The following TSSK6 variants were observed in gnomAD, a reference collection of about 807,000 sequenced individuals.
TSSK6 encodes the protein testis-specific serine/threonine-protein kinase 6.
TSSK6 carries 9 observed loss-of-function variants against 8.5 expected under a neutral mutation model. The observed-to-expected ratio is 1.06, with a 90% CI of 0.64 to 1.85. TSSK6 has a LOEUF of 1.85. Ranked by LOEUF, TSSK6 falls within the 40% of genes most tolerant of loss-of-function variation. The probability of loss-of-function intolerance (pLI) is 0.00; values close to 1 mark genes in which losing one functional copy is unlikely to be tolerated. For missense variants in TSSK6, 311 were observed against 391.5 expected (o/e 0.79, Z 1.73); for synonymous variants, 202 against 182.4 (o/e 1.11, Z -0.86).
Position 19,514,358 on chromosome 19 carries a change from G to C in TSSK6, c.*248C>G, listed in dbSNP as rs1285485290. On this transcript the variant is annotated 3_prime_UTR_variant, in exon 1 of 1. Transcript: ENST00000585580. ...CCGTCCCCTCTGGTCTCGCCCTCTC[G>C]GGGCCTGGTCGCAGGGAATCGCGGA... 1.8e-6 allele frequency: 1 copy of C among 554,940 alleles called. No individual in the cohort carries two copies. The highest frequency in any genetic ancestry group is 2.4e-5 in the South Asian group (1 of 40,890). 34.4% of individuals were successfully genotyped at this position (554,940 alleles called of 1,614,324 possible). A position where few individuals can be genotyped will look rare whatever the true frequency, so the allele number is the denominator to read the frequency against.
Position 19,515,317 on chromosome 19 carries a change from G to C in TSSK6, c.111C>G (p.Thr37=). ...GCCGGTCCACCACCTTGATGGCCAC[G>C]GTACCCTTGTACTTCTTGGATGTGG... ...KVATSKKYKG[T]VAIKVVDRRR... The change falls in exon 1 of 1, where the codon ACC becomes ACG. Residue 37 remains threonine (T), a synonymous_variant. Coordinates refer to ENST00000585580, the MANE Select transcript of TSSK6 (RefSeq NM_032037.4). The C allele has an allele frequency of 6.2e-7, 1 of 1,614,148 alleles. No homozygotes were observed. Among genetic ancestry groups the C allele is most frequent in the South Asian group, 1.1e-5 (1 of 91,088 alleles).
At position 19,514,411 on chromosome 19, in the gene TSSK6, C is replaced by T; in HGVS notation, c.*195G>A. 3.3e-6 allele frequency: 2 copies of T among 612,376 alleles called. No individual in the cohort carries two copies. Among genetic ancestry groups the T allele is most frequent in the Non-Finnish European group, 2.8e-6 (1 of 358,546 alleles). 37.9% of individuals were successfully genotyped at this position (612,376 alleles called of 1,614,324 possible). A position where few individuals can be genotyped will look rare whatever the true frequency, so the allele number is the denominator to read the frequency against. Reference sequence around the variant, plus strand: ...CGCATGCGCCTCCAGCTCCCGGGATCGCGGGGAACGTGGATTCCGAACAAG... The same window carrying T: ...CGCATGCGCCTCCAGCTCCCGGGATTGCGGGGAACGTGGATTCCGAACAAG... On this transcript the variant is annotated 3_prime_UTR_variant, in exon 1 of 1. Transcript: ENST00000585580.
chr19:19,515,253 G>C lies in TSSK6; in HGVS notation c.175C>G (p.Arg59Gly), dbSNP rs2061041193. 1 of 1,613,314 alleles carries C rather than the reference G, an allele frequency of 6.2e-7. No individual in the cohort carries two copies. Among genetic ancestry groups the C allele is most frequent in the Non-Finnish European group, 8.5e-7 (1 of 1,179,986 alleles). ...ACGCCCCGCAGGATGGACAGCTCTC[G>C]CGGCAGGAACTTGTTGACGAAGTCC... ...PPDFVNKFLP[R>G]ELSILRGVRH... The change falls in exon 1 of 1, where the codon CGA becomes GGA. Residue 59 changes from arginine (R) to glycine (G), a missense_variant. Arg to Gly is a moderately radical substitution (Grantham distance 125, BLOSUM62 -2). Transcript: ENST00000585580.
Position 19,514,618 on chromosome 19 carries a change from C to T in TSSK6, c.810G>A (p.Gly270=), listed in dbSNP as rs779667842. 6 of 1,583,752 alleles carry T rather than the reference C, an allele frequency of 3.8e-6. No individual in the cohort carries two copies. Among genetic ancestry groups the T allele is most frequent in the East Asian group, 2.3e-5 (1 of 44,316 alleles). The change falls in exon 1 of 1, where the codon GGG becomes GGA. Residue 270 remains glycine, a synonymous_variant. Transcript: ENST00000585580. ...QVARNCWLRA[G]DSG ...AACCACCCGGCTTCTAGCCGGAGTC[C>T]CCGGCGCGCAGCCAGCAGTTGCGCG...
Position 19,514,519 on chromosome 19 carries a change from G to T in TSSK6, c.*87C>A. 8.0e-7 allele frequency: 1 copy of T among 1,246,228 alleles called. No individual in the cohort carries two copies. Among genetic ancestry groups the T allele is most frequent in the Non-Finnish European group, 1.1e-6 (1 of 926,842 alleles). The allele number at this position is 1,246,228 out of a possible 1,614,324, so 77.2% of individuals were successfully genotyped here. A position where few individuals can be genotyped will look rare whatever the true frequency, so the allele number is the denominator to read the frequency against. ...ATGTGCAGCAGCACGCGGCAGCTTC[G>T]CATATTCCCTCGAAGCGCGCCTCTT... is the stretch of plus-strand genomic sequence containing the variant. On this transcript the variant is annotated 3_prime_UTR_variant, in exon 1 of 1. Transcript: ENST00000585580.
rs1403370911 is a variant in TSSK6, at chr19:19,514,943, T to C, written c.485A>G (p.His162Arg). Residue 162 changes from histidine (H) to arginine (R), a missense_variant, in exon 1 of 1, where the codon CAT (histidine) becomes CGT (arginine). By Grantham distance (29) the His-to-Arg change is conservative. Transcript: ENST00000585580. ...LTDFGFGRQA[H>R]GYPDLSTTYC... ...GGTGGTGCTCAGGTCTGGGTAGCCA[T>C]GGGCCTGGCGGCCGAAGCCGAAGTC... is the stretch of plus-strand genomic sequence containing the variant. 1 of 1,602,232 alleles carries C rather than the reference T, an allele frequency of 6.2e-7. No individual in the cohort carries two copies. Among genetic ancestry groups the C allele is most frequent in the African/African-American group, 1.3e-5 (1 of 74,718 alleles).
Position 19,514,378 on chromosome 19 carries a change from C to CGCGGAT in TSSK6, c.*222_*227dup, listed in dbSNP as rs2061034754. The CGCGGAT allele has an allele frequency of 5.2e-6, 3 of 571,560 alleles. No individual in the cohort carries two copies. Among genetic ancestry groups the CGCGGAT allele is most frequent in the Admixed American group, 6.2e-5 (2 of 32,270 alleles). The allele number at this position is 571,560 out of a possible 1,614,324, so 35.4% of individuals were successfully genotyped here. A position where few individuals can be genotyped will look rare whatever the true frequency, so the allele number is the denominator to read the frequency against. ...CTCTCGGGGCCTGGTCGCAGGGAAT[C>CGCGGAT]GCGGATGCGCATGCGCCTCCAGCTC... is the stretch of plus-strand genomic sequence containing the variant. On this transcript the variant is annotated 3_prime_UTR_variant, in exon 1 of 1. Coordinates refer to ENST00000585580, the MANE Select transcript of TSSK6 (RefSeq NM_032037.4).
Position 19,515,185 on chromosome 19 carries a change from C to G in TSSK6, c.243G>C (p.Val81=), listed in dbSNP as rs145169963. The G allele has an allele frequency of 6.2e-7, 1 of 1,609,178 alleles. No homozygotes were observed. The highest frequency in any genetic ancestry group is 1.1e-5 in the South Asian group (1 of 91,082). Reference sequence around the variant, plus strand: ...TCACGATGTACAGTTTCCCGTTGCACACCTCGATGAACTCGAAGACGTGCA... The same window carrying G: ...TCACGATGTACAGTTTCCCGTTGCAGACCTCGATGAACTCGAAGACGTGCA... ...HIVHVFEFIE[V]CNGKLYIVME... is the part of the protein sequence containing the mutation. Residue 81 remains valine, a synonymous_variant, in exon 1 of 1, where the codon GTG becomes GTC. Transcript: ENST00000585580.
In TSSK6 at chr19:19,514,668, C is replaced by A; in HGVS notation, c.760G>T (p.Ala254Ser). The A allele has an allele frequency of 6.3e-7, 1 of 1,599,302 alleles. No individual in the cohort carries two copies. Among genetic ancestry groups the A allele is most frequent in the Non-Finnish European group, 8.5e-7 (1 of 1,178,748 alleles). The change falls in exon 1 of 1, where the codon GCC (alanine) becomes TCC (serine). Residue 254 changes from alanine (A) to serine (S), a missense_variant. Coordinates refer to ENST00000585580, the MANE Select transcript of TSSK6 (RefSeq NM_032037.4). ...IAELLQFSPS[A>S]RPSAGQVARN... is the part of the protein sequence containing the mutation. ...GCTACCTGGCCCGCGGAGGGCCTGG[C>A]GGACGGGCTGAACTGCAGCAGCTCG...
rs758457821 is a variant in TSSK6, at chr19:19,514,599, C to T, written c.*7G>A. 5 of 1,560,436 alleles carry T rather than the reference C, an allele frequency of 3.2e-6. No homozygotes were observed. The highest frequency in any genetic ancestry group is 1.7e-4 in the Middle Eastern group (1 of 5,818). ...TGGCTGCAGGAATGGCTGGAACCAC[C>T]CGGCTTCTAGCCGGAGTCCCCGGCG... On this transcript the variant is annotated 3_prime_UTR_variant, in exon 1 of 1. Coordinates refer to ENST00000585580, the MANE Select transcript of TSSK6 (RefSeq NM_032037.4).
chr19:19,514,547 G>T lies in TSSK6; in HGVS notation c.*59C>A. On this transcript the variant is annotated 3_prime_UTR_variant, in exon 1 of 1. Transcript: ENST00000585580. ...TATTCCCTCGAAGCGCGCCTCTTGC[G>T]CGTGCGCCGCCCTGGCCCAGTGCCC... The T allele has an allele frequency of 7.1e-7, 1 of 1,410,444 alleles. No individual in the cohort carries two copies. 87.4% of individuals were successfully genotyped at this position (1,410,444 alleles called of 1,614,324 possible).
Position 19,515,068 on chromosome 19 carries a change from G to A in TSSK6, c.360C>T (p.Ala120=), listed in dbSNP as rs533793681. 5 of 1,608,428 alleles carry A rather than the reference G, an allele frequency of 3.1e-6. No homozygotes were observed. Among genetic ancestry groups the A allele is most frequent in the African/African-American group, 2.7e-5 (2 of 75,004 alleles). Residue 120 remains alanine, a synonymous_variant, in exon 1 of 1, where the codon GCC becomes GCT. Coordinates refer to ENST00000585580, the MANE Select transcript of TSSK6 (RefSeq NM_032037.4). ...VQARDLFAQI[A]GAVRYLHDHH... ...GATCGTGCAGGTAGCGCACGGCGCCGGCGATCTGCGCAAAGAGGTCGCGCG... is the reference window on the plus strand; with the variant it reads ...GATCGTGCAGGTAGCGCACGGCGCCAGCGATCTGCGCAAAGAGGTCGCGCG...
At position 19,515,069 on chromosome 19, in the gene TSSK6, G is replaced by A; in HGVS notation, c.359C>T (p.Ala120Val). ...ATCGTGCAGGTAGCGCACGGCGCCG[G>A]CGATCTGCGCAAAGAGGTCGCGCGC... ...VQARDLFAQIAGAVRYLHDHH... is the reference protein window; with the variant it reads ...VQARDLFAQIVGAVRYLHDHH... The change falls in exon 1 of 1, where the codon GCC (alanine) becomes GTC (valine). Residue 120 changes from alanine to valine, a missense_variant. Transcript: ENST00000585580. The A allele has an allele frequency of 6.2e-7, 1 of 1,608,374 alleles. No homozygotes were observed.
Position 19,514,381 on chromosome 19 carries a change from G to C in TSSK6, c.*225C>G. 1 of 569,578 alleles carries C rather than the reference G, an allele frequency of 1.8e-6. No individual in the cohort carries two copies. The highest frequency in any genetic ancestry group is 2.9e-5 in the East Asian group (1 of 34,620). The allele number at this position is 569,578 out of a possible 1,614,324, so 35.3% of individuals were successfully genotyped here. A position where few individuals can be genotyped will look rare whatever the true frequency, so the allele number is the denominator to read the frequency against. ...TCGGGGCCTGGTCGCAGGGAATCGC[G>C]GATGCGCATGCGCCTCCAGCTCCCG... is the stretch of plus-strand genomic sequence containing the variant. On this transcript the variant is annotated 3_prime_UTR_variant, in exon 1 of 1. Transcript: ENST00000585580.
Position 19,515,229 on chromosome 19 carries a change from C to T in TSSK6, c.199G>A (p.Val67Met), listed in dbSNP as rs918166046. ...ACGTGCACGATGTGCGGGTGTCGCA[C>T]GCCCCGCAGGATGGACAGCTCTCGC... ...LPRELSILRG[V>M]RHPHIVHVFE... Residue 67 changes from valine (V) to methionine (M), a missense_variant, in exon 1 of 1, where the codon GTG (valine) becomes ATG (methionine). Transcript: ENST00000585580. 1.2e-6 allele frequency: 2 copies of T among 1,612,238 alleles called. No individual in the cohort carries two copies. Among genetic ancestry groups the T allele is most frequent in the Non-Finnish European group, 8.5e-7 (1 of 1,179,988 alleles).
chr19:19,515,534 C>G lies in TSSK6; in HGVS notation c.-107G>C, dbSNP rs1239610239. 1.0e-6 allele frequency: 1 copy of G among 999,356 alleles called. No individual in the cohort carries two copies. The highest frequency in any genetic ancestry group is 2.5e-5 in the East Asian group (1 of 40,482). The allele number at this position is 999,356 out of a possible 1,614,324, so 61.9% of individuals were successfully genotyped here. A position where few individuals can be genotyped will look rare whatever the true frequency, so the allele number is the denominator to read the frequency against. Reference sequence around the variant, plus strand: ...GCGCTTGGCACCTACACCCCCGCACCCCCATGTGCCCACTGCCAGACATTG... The same window carrying G: ...GCGCTTGGCACCTACACCCCCGCACGCCCATGTGCCCACTGCCAGACATTG... On this transcript the variant is annotated 5_prime_UTR_variant, in exon 1 of 1. Transcript: ENST00000585580.
In TSSK6 at chr19:19,514,404, C is replaced by A; in HGVS notation, c.*202G>T. 1.6e-6 allele frequency: 1 copy of A among 606,874 alleles called. No individual in the cohort carries two copies. The highest frequency in any genetic ancestry group is 2.8e-6 in the Non-Finnish European group (1 of 353,286). The allele number at this position is 606,874 out of a possible 1,614,324, so 37.6% of individuals were successfully genotyped here. A position where few individuals can be genotyped will look rare whatever the true frequency, so the allele number is the denominator to read the frequency against. ...GCGGATGCGCATGCGCCTCCAGCTC[C>A]CGGGATCGCGGGGAACGTGGATTCC... On this transcript the variant is annotated 3_prime_UTR_variant, in exon 1 of 1. Coordinates refer to ENST00000585580, the MANE Select transcript of TSSK6 (RefSeq NM_032037.4).
chr19:19,514,806 C>T lies in TSSK6; in HGVS notation c.622G>A (p.Gly208Arg). ...TCCGAGTCGTCGAAGGGCATGCACC[C>T]GGTGACCATGACGTAGAGCACGACG... Reference protein sequence around the residue: ...MGVVLYVMVTGCMPFDDSDIA... With the variant: ...MGVVLYVMVTRCMPFDDSDIA... Residue 208 changes from glycine (G) to arginine (R), a missense_variant, in exon 1 of 1, where the codon GGG (glycine) becomes AGG (arginine). Coordinates refer to ENST00000585580, the MANE Select transcript of TSSK6 (RefSeq NM_032037.4). 6.2e-7 allele frequency: 1 copy of T among 1,601,096 alleles called. No homozygotes were observed. Among genetic ancestry groups the T allele is most frequent in the Non-Finnish European group, 8.5e-7 (1 of 1,179,094 alleles).
In TSSK6 at chr19:19,515,020, G is replaced by T. The variant is rs768135499; in HGVS notation, c.408C>A (p.Leu136=). The change falls in exon 1 of 1, where the codon CTC becomes CTA. Residue 136 remains leucine, a synonymous_variant. Transcript: ENST00000585580. ...LHDHHLVHRD[L]KCENVLLSPD... ...GGCTCAGCAGCACGTTTTCGCACTT[G>T]AGGTCGCGGTGCACCAGGTGATGAT... 1.2e-6 allele frequency: 2 copies of T among 1,611,274 alleles called. No homozygotes were observed. The highest frequency in any genetic ancestry group is 2.2e-5 in the South Asian group (2 of 90,916).
Sources: gnomAD v4.1 joint callset for allele counts on GRCh38, gnomAD v4.1.1 for gene constraint, MANE v1.5 for transcripts, NCBI Gene and HGNC (gene_info 2026-07-23, HGNC 2026-07-21) for gene names.